The following VWA8 variants were observed in gnomAD, a reference collection of about 807,000 sequenced individuals.
The protein encoded by VWA8 is von Willebrand factor A domain-containing protein 8.
In VWA8, 221 loss-of-function variants were observed where a neutral mutation model predicts 241.5. That is an observed-to-expected ratio of 0.91 (90% CI 0.82 to 1.02). The LOEUF (loss-of-function observed/expected upper bound fraction) is 1.02. VWA8 is among the 50% of genes least tolerant of loss of function. The pLI is 0.00. For missense variants in VWA8, 2,322 were observed against 2,328.7 expected, an observed-to-expected ratio of 1.00 and a Z score of 0.06; for synonymous variants, 852 against 827.1, an observed-to-expected ratio of 1.03 and a Z score of -0.52.
At chr13:41,860,989 T>C (rs1286773104) in intron 12 of VWA8, among the ~76,000 whole-genome samples, 2 of 151,796 alleles carry the variant, frequency 1.3e-5, no homozygotes, top group Non-Finnish European at 2.9e-5. Flanking sequence ...TATATATAAT[T>C]ATATAAATAA....
intron 5 of VWA8, among the ~76,000 whole-genome samples, chr13:41,889,535 C>T (rs937164939): frequency 1.3e-5 from 2 of 151,994 alleles, no homozygotes; most frequent in South Asian, 2.1e-4. Context: ...CATGCCACCA[C>T]GCCCAGCTAA....
chr13:41,837,316 GA>G (rs1349766529), intron 12 of VWA8, among the ~76,000 whole-genome samples: 1 of 152,114 alleles, frequency 6.6e-6, no homozygotes, highest in Non-Finnish European at 1.5e-5. Flanking sequence ...AACTTCTATT[GA>G]AAGACAAACA....
intron 40 of VWA8, among the ~76,000 whole-genome samples, chr13:41,601,414 C>T (rs1234942049): frequency 6.6e-6 from 1 of 151,944 alleles, no homozygotes; most frequent in South Asian, 2.1e-4. Flanking sequence ...TTTGAAACAC[C>T]ACAGGGGAAA....
intron 2 of VWA8, among the ~76,000 whole-genome samples, chr13:41,949,486 G>C (rs901403910): frequency 3.3e-5 from 5 of 152,056 alleles, no homozygotes; most frequent in African/African-American, 7.3e-5. Context: ...GGGGTAGGGG[G>C]CTAGGGGAGG....
chr13:41,805,541 C>T (rs543979165), intron 17 of VWA8, among the ~76,000 whole-genome samples: 13 of 152,122 alleles, frequency 8.5e-5, no homozygotes, highest in Admixed American at 2.6e-4. Flanking sequence ...TGGCTGGGTG[C>T]GGTGGCTCAT....
Position 41,938,811 on chromosome 13 carries a change from G to A in VWA8, c.241+11125C>T, listed in dbSNP as rs550839293. On this transcript the variant is annotated intron_variant, in intron 2 of 44. Coordinates refer to ENST00000379310, the MANE Select transcript of VWA8 (RefSeq NM_015058.2). ...AACTCTATTAAGTAAGGGACTCTTA[G>A]GTAACACTTTCCCAGTGAAGTTTTG... Among the ~76,000 whole-genome samples, 4 of 152,214 alleles carry A rather than the reference G, an allele frequency of 2.6e-5. No individual in the cohort carries two copies. In the South Asian group the frequency reaches 8.3e-4, roughly 32 times the overall value.
chr13:41,945,217 C>T (rs1877795847), intron 2 of VWA8, among the ~76,000 whole-genome samples: 1 of 151,880 alleles, frequency 6.6e-6, no homozygotes, highest in Admixed American at 6.6e-5. Context: ...CATTAGCTGA[C>T]CACTAAGCTA....
intron 15 of VWA8, among the ~76,000 whole-genome samples, chr13:41,817,313 T>C (rs923770135): frequency 6.6e-6 from 1 of 152,306 alleles, no homozygotes; most frequent in East Asian, 1.9e-4. Context: ...GATCAACATA[T>C]CAATGAACTC....
At chr13:41,733,404 T>C (rs1034714571) in intron 21 of VWA8, among the ~76,000 whole-genome samples, 9 of 152,198 alleles carry the variant, frequency 5.9e-5, no homozygotes, top group Non-Finnish European at 1.0e-4. Context: ...TTGCCCCTTA[T>C]TGGCCATGTG....
intron 37 of VWA8, among the ~76,000 whole-genome samples, chr13:41,651,599 T>C (rs1236089871): frequency 6.6e-6 from 1 of 152,142 alleles, no homozygotes; most frequent in African/African-American, 2.4e-5. Flanking sequence ...AATGAATGAG[T>C]GTAGCTGTGT....
chr13:41,733,072 A>G (rs902718598), intron 21 of VWA8, among the ~76,000 whole-genome samples: 6 of 152,180 alleles, frequency 3.9e-5, no homozygotes, highest in Non-Finnish European at 7.4e-5. Flanking sequence ...CAAAGTTGCA[A>G]TTGTGTTGTT....
At chr13:41,708,782 G>T (rs963885028) in intron 26 of VWA8, among the ~76,000 whole-genome samples, 1 of 152,070 alleles carries the variant, frequency 6.6e-6, no homozygotes, top group South Asian at 2.1e-4. Flanking sequence ...TATACTCCCC[G>T]ATACCCAGAA....
rs1275529658 is a variant in VWA8, at chr13:41,754,107, T to C, written c.2426+7021A>G. The stretch of plus-strand genomic sequence containing the variant: ...TAGTCAGTAAAAAATCTTCAGTGTA[T>C]GTATTTTTTTTTATTTTGAATTTTT... On this transcript the variant is annotated intron_variant, in intron 21 of 44. Coordinates refer to ENST00000379310, the MANE Select transcript of VWA8 (RefSeq NM_015058.2). 3.9e-5 allele frequency among the ~76,000 whole-genome samples: 6 copies of C among 152,220 alleles called. No individual in the cohort carries two copies. In the South Asian group the frequency reaches 1.2e-3, roughly 32 times the overall value.
At chr13:41,952,615 G>A (rs534463022) in intron 1 of VWA8, among the ~76,000 whole-genome samples, 85 of 152,196 alleles carry the variant, frequency 5.6e-4, no homozygotes, top group Non-Finnish European at 1.0e-3. Context: ...TAAGAAAAAC[G>A]TTTTCAGGCA....
chr13:41,624,392 T>C (rs541292847), intron 37 of VWA8, among the ~76,000 whole-genome samples: 1 of 152,256 alleles, frequency 6.6e-6, no homozygotes, highest in Non-Finnish European at 1.5e-5. Context: ...TCCAGGCCAA[T>C]ATCCCTGATG....
At chr13:41,637,419 G>C (rs1405146555) in intron 37 of VWA8, among the ~76,000 whole-genome samples, 19 of 110,324 alleles carry the variant, frequency 1.7e-4, no homozygotes, top group Admixed American at 6.5e-4. Flanking sequence ...GTTGTGGGGT[G>C]GGGGGAGGGG....
chr13:41,740,090 C>T (rs751849821), intron 21 of VWA8, among the ~76,000 whole-genome samples: 2 of 151,860 alleles, frequency 1.3e-5, no homozygotes, highest in Non-Finnish European at 2.9e-5. Context: ...CTCCTGACCT[C>T]GTGATCTGCC....
rs189202757 is a variant in VWA8 at position 41,733,193 on chromosome 13, G to T, written c.2427-1038C>A. 1.4e-4 allele frequency among the ~76,000 whole-genome samples: 22 copies of T among 152,246 alleles called. No homozygotes were observed. The East Asian group carries it at 4.1e-3, about 28-fold the overall frequency. On this transcript the variant is annotated intron_variant, in intron 21 of 44. Coordinates refer to ENST00000379310, the MANE Select transcript of VWA8 (RefSeq NM_015058.2). ...AACTTTACTACAATCTATTAAAATTGTAAAATGTGTATCTGTTTTTTAAAA... is the reference window on the plus strand; with the variant it reads ...AACTTTACTACAATCTATTAAAATTTTAAAATGTGTATCTGTTTTTTAAAA...
chr13:41,905,979 T>C (rs1008429998), intron 4 of VWA8, among the ~76,000 whole-genome samples: 2 of 152,100 alleles, frequency 1.3e-5, no homozygotes, highest in African/African-American at 2.4e-5. Flanking sequence ...GTAAACAAAA[T>C]GGGTTCCTTT....
Sources: allele counts gnomAD v4.1 joint callset (sites outside exome capture counted in the v4.1 genomes callset), GRCh38; gene constraint gnomAD v4.1.1; transcripts MANE v1.5; gene names NCBI Gene and HGNC (gene_info 2026-07-23, HGNC 2026-07-21).